The following RYR2 variants were observed in gnomAD, a reference collection of about 807,000 sequenced individuals.
RYR2 encodes cardiac muscle ryanodine receptor-calcium release channel.
Under a neutral mutation model 601.1 loss-of-function variants are expected in RYR2, and 227 were observed. The ratio of observed to expected loss-of-function variants is 0.38; its 90% CI spans 0.34 to 0.42. The LOEUF (loss-of-function observed/expected upper bound fraction) is 0.42, where lower values mean the gene tolerates loss of function less well. Ranked by LOEUF, RYR2 falls within the 10% of genes least tolerant of loss-of-function variation. The probability of loss-of-function intolerance (pLI) is 1.00; values close to 1 mark genes in which losing one functional copy is unlikely to be tolerated. For missense variants in RYR2, 4,646 were observed against 6,156.5 expected, an observed-to-expected ratio of 0.75 and a Z score of 8.21; for synonymous variants, 2,223 against 2,175.1, an observed-to-expected ratio of 1.02 and a Z score of -0.61.
intron 8 of RYR2, among the ~76,000 whole-genome samples, chr1:237,379,492 G>T (rs1447441592): frequency 6.6e-6 from 1 of 152,116 alleles, no homozygotes; most frequent in Non-Finnish European, 1.5e-5. Flanking sequence ...AATATGGGCA[G>T]AATTAAAAAG....
At chr1:237,048,282 GTCTAGTTCTCTT>G (rs1660837255) in intron 1 of RYR2, among the ~76,000 whole-genome samples, 1 of 152,152 alleles carries the variant, frequency 6.6e-6, no homozygotes, top group South Asian at 2.1e-4. Context: ...CAATGCATTT[GTCTAGTTCTCTT>G]TCTTCTCTTC....
intron 63 of RYR2, among the ~76,000 whole-genome samples, chr1:237,694,440 C>T (rs569740785): frequency 3.7e-4 from 57 of 152,088 alleles, no homozygotes; most frequent in African/African-American, 1.3e-3. Flanking sequence ...CCTTGTTATT[C>T]GTAGCTGGAG....
chr1:237,518,452 C>A (rs1666774951), intron 24 of RYR2, among the ~76,000 whole-genome samples: 1 of 89,128 alleles, frequency 1.1e-5, no homozygotes, highest in African/African-American at 3.2e-5. Flanking sequence ...TGTCATTCTA[C>A]TCTCTATGTC....
intron 10 of RYR2, among the ~76,000 whole-genome samples, chr1:237,402,690 G>A (rs957592250): frequency 1.2e-4 from 19 of 152,096 alleles, no homozygotes; most frequent in African/African-American, 4.1e-4. Flanking sequence ...CACTTTGGGA[G>A]GATACCTTGA....
At chr1:237,792,799 C>T (rs554079544) in intron 94 of RYR2, among the ~76,000 whole-genome samples, 1 of 152,344 alleles carries the variant, frequency 6.6e-6, no homozygotes, top group African/African-American at 2.4e-5. Flanking sequence ...CACTATGTCT[C>T]ATGGTAATGC....
rs892268244 is a variant in RYR2 at position 237,106,093 on chromosome 1, G to A, written c.48+63524G>A. Among the ~76,000 whole-genome samples the A allele has an allele frequency of 3.9e-5, 6 of 152,154 alleles. No individual in the cohort carries two copies. Among genetic ancestry groups the A allele is most frequent in the African/African-American group, 1.2e-4 (5 of 41,436 alleles). On this transcript the variant is annotated intron_variant, in intron 1 of 104. Coordinates refer to ENST00000366574, the MANE Select transcript of RYR2 (RefSeq NM_001035.3). This position sits in a 1 kb window ranked among gnomAD's most constrained non-coding sequence, Gnocchi z 4.4. ...GGTGTGGGCCGGGCAGGTGGAGGAGGCCTTGAGGGCTGTTGAGAGGACTGG... is the reference window on the plus strand; with the variant it reads ...GGTGTGGGCCGGGCAGGTGGAGGAGACCTTGAGGGCTGTTGAGAGGACTGG...
intron 85 of RYR2, among the ~76,000 whole-genome samples, chr1:237,771,713 G>A (rs1186937902): frequency 3.3e-5 from 5 of 152,218 alleles, no homozygotes; most frequent in African/African-American, 9.6e-5. Context: ...CTCAAGGATA[G>A]CAACCTTTTT....
chr1:237,769,431 C>A (rs910616505), intron 84 of RYR2, among the ~76,000 whole-genome samples: 1 of 152,166 alleles, frequency 6.6e-6, no homozygotes, highest in Non-Finnish European at 1.5e-5. Context: ...AAACTTGCCA[C>A]GTCTGATTTG....
chr1:237,303,529 A>G (rs1184933852), intron 2 of RYR2, among the ~76,000 whole-genome samples: 1 of 151,838 alleles, frequency 6.6e-6, no homozygotes, highest in Non-Finnish European at 1.5e-5. Flanking sequence ...TGAACTCCTT[A>G]CCTTAGGTGA....
At chr1:237,326,569 C>T (rs1355781278) in intron 2 of RYR2, among the ~76,000 whole-genome samples, 2 of 152,070 alleles carry the variant, frequency 1.3e-5, no homozygotes, top group African/African-American at 2.4e-5. Context: ...TTTTGTGTTC[C>T]GATGTGATCT....
Position 237,503,337 on chromosome 1 carries a change from T to C in RYR2, c.2445T>C (p.Pro815=). The C allele has an allele frequency of 6.2e-7, 1 of 1,613,804 alleles. No individual in the cohort carries two copies. Among genetic ancestry groups the C allele is most frequent in the South Asian group, 1.1e-5 (1 of 91,048 alleles). Residue 815 remains proline (P), a synonymous_variant, in exon 22 of 105, where the codon CCT becomes CCC. Coordinates refer to ENST00000366574, the MANE Select transcript of RYR2 (RefSeq NM_001035.3). The part of the protein sequence containing the change: ...GGRHGEFKFL[P]PPGYAPCYEA... ...GACATGGAGAATTCAAATTTCTTCC[T>C]CCACCTGGGTATGCTCCTTGTTATG...
chr1:237,778,275 T>C (rs902927355), intron 87 of RYR2, among the ~76,000 whole-genome samples: 1 of 152,060 alleles, frequency 6.6e-6, no homozygotes, highest in Non-Finnish European at 1.5e-5. Flanking sequence ...TCACCTCTCA[T>C]CTAAAGCATA....
chr1:237,676,179 A>G (rs1685380339), intron 60 of RYR2, among the ~76,000 whole-genome samples: 1 of 152,148 alleles, frequency 6.6e-6, no homozygotes, highest in Admixed American at 6.5e-5. Context: ...GTTTTTGGAG[A>G]AACAAGGGAC....
At chr1:237,608,440 T>G (rs776377525) in intron 35 of RYR2, among the ~76,000 whole-genome samples, 4 of 152,152 alleles carry the variant, frequency 2.6e-5, no homozygotes, top group Non-Finnish European at 5.9e-5. Context: ...CAGTGGCTCA[T>G]GCTTGTAATC....
intron 2 of RYR2, among the ~76,000 whole-genome samples, chr1:237,311,329 T>C (rs563871541): frequency 1.3e-5 from 2 of 152,320 alleles, no homozygotes; most frequent in South Asian, 4.1e-4. Flanking sequence ...TTTACATTAT[T>C]GTTAATTACA....
At chr1:237,068,428 G>A (rs932279624) in intron 1 of RYR2, among the ~76,000 whole-genome samples, 1 of 152,140 alleles carries the variant, frequency 6.6e-6, no homozygotes, top group African/African-American at 2.4e-5. Context: ...TGTTGCCCAT[G>A]TGCTGTTGAA....
rs1678213328 is a variant in RYR2 at position 237,614,222 on chromosome 1, G to A, written c.5094G>A (p.Leu1698=). The change falls in exon 37 of 105, where the codon CTG becomes CTA. Residue 1698 remains leucine (L), a synonymous_variant. Coordinates refer to ENST00000366574, the MANE Select transcript of RYR2 (RefSeq NM_001035.3). The surrounding 1 kb of genome is among the most constrained non-coding windows in gnomAD (Gnocchi z 4.3). ...AGAACAAGTACATGCCTGGTTTGCT[G>A]CGTGCTGGCTACTATGACCTGCTGA... The part of the protein sequence containing the change: ...AIENKYMPGL[L]RAGYYDLLID... 6.2e-7 allele frequency: 1 copy of A among 1,614,032 alleles called. No homozygotes were observed. Among genetic ancestry groups the A allele is most frequent in the Non-Finnish European group, 8.5e-7 (1 of 1,179,902 alleles).
Position 237,566,766 on chromosome 1 carries a change from T to G in RYR2, c.3414T>G (p.Asp1138Glu), listed in dbSNP as rs763881346. ...LGSDERAFAF[D>E]GFKAQRWHQG... ...CAGATGAACGTGCCTTTGCCTTTGA[T>G]GGCTTCAAGGTGAGTGGACTTTGTC... is the stretch of plus-strand genomic sequence containing the variant. Residue 1138 changes from aspartate to glutamate, a missense_variant, in exon 28 of 105, where the codon GAT (aspartate) becomes GAG (glutamate). Asp to Glu is a conservative substitution (Grantham distance 45). This residue lies in a region of RYR2 where 1,807 missense variants were observed against 2,088.1 expected (regional missense o/e 0.87). Coordinates refer to ENST00000366574, the MANE Select transcript of RYR2 (RefSeq NM_001035.3). The G allele has an allele frequency of 2.9e-5, 46 of 1,613,962 alleles. No individual in the cohort carries two copies. Among genetic ancestry groups the G allele is most frequent in the Non-Finnish European group, 3.8e-5 (45 of 1,179,856 alleles).
At chr1:237,399,599 A>G (rs935498414) in intron 10 of RYR2, among the ~76,000 whole-genome samples, 3 of 152,220 alleles carry the variant, frequency 2.0e-5, no homozygotes, top group South Asian at 2.1e-4. Flanking sequence ...ACTCACATCA[A>G]TCAAGTTCGC....
Sources: allele counts gnomAD v4.1 joint callset (sites outside exome capture counted in the v4.1 genomes callset), GRCh38; gene constraint gnomAD v4.1.1; regional missense constraint gnomAD v4.1.1; non-coding constraint Gnocchi (gnomAD v3.1); transcripts MANE v1.5; gene names NCBI Gene and HGNC (gene_info 2026-07-23, HGNC 2026-07-21).